The following DNAH17 variants were observed in gnomAD, a reference collection of about 807,000 sequenced individuals.
DNAH17 encodes the protein axonemal beta dynein heavy chain 17.
DNAH17 carries 376 observed loss-of-function variants against 485.6 expected under a neutral mutation model. The ratio of observed to expected loss-of-function variants is 0.77; its 90% CI spans 0.71 to 0.84. The LOEUF is 0.84. DNAH17 is among the 40% of genes least tolerant of loss of function. DNAH17 has a pLI of 0.00. For missense variants in DNAH17, 6,370 were observed against 5,839.3 expected (o/e 1.09, Z -2.96); for synonymous variants, 3,031 against 2,405.9 (o/e 1.26, Z -7.60).
At chr17:78,481,465 C>G (rs2089348030) in intron 48 of DNAH17, among the ~76,000 whole-genome samples, 1 of 152,118 alleles carries the variant, frequency 6.6e-6, no homozygotes, top group Admixed American at 6.6e-5. Context: ...AATTTTGAAA[C>G]AAGAGGCAAA....
chr17:78,487,929 C>A (rs193279214), intron 44 of DNAH17, among the ~76,000 whole-genome samples: 1 of 152,322 alleles, frequency 6.6e-6, no homozygotes, highest in East Asian at 1.9e-4. Flanking sequence ...GCATAGCACC[C>A]TGTATTATCC....
intron 44 of DNAH17, among the ~76,000 whole-genome samples, chr17:78,487,590 T>C (rs1344510168): frequency 6.6e-6 from 1 of 152,196 alleles, no homozygotes; most frequent in Non-Finnish European, 1.5e-5. Flanking sequence ...AGGGGTGCGA[T>C]CTCGGCTCAC....
intron 75 of DNAH17, among the ~76,000 whole-genome samples, chr17:78,431,404 G>T (rs1414081344): frequency 1.3e-5 from 2 of 151,910 alleles, no homozygotes; most frequent in South Asian, 2.1e-4. Flanking sequence ...TCCCGCAGGG[G>T]GTGGGGGTGA....
At chr17:78,488,941 CAG>C (rs1273013795) in intron 44 of DNAH17, among the ~76,000 whole-genome samples, 1 of 152,058 alleles carries the variant, frequency 6.6e-6, no homozygotes, top group Non-Finnish European at 1.5e-5. Flanking sequence ...CGCAGAGCCT[CAG>C]AGGGAACCAG....
chr17:78,517,988 C>G (rs186588148), intron 25 of DNAH17, among the ~76,000 whole-genome samples: 1 of 152,192 alleles, frequency 6.6e-6, no homozygotes, highest in African/African-American at 2.4e-5. Context: ...GACTGTCAAA[C>G]AGCCACTAAG....
At chr17:78,576,813 T>G (rs981747988) in intron 1 of DNAH17, among the ~76,000 whole-genome samples, 4 of 152,204 alleles carry the variant, frequency 2.6e-5, no homozygotes. Context: ...ATGTGTGGGC[T>G]GAGGGGCCCC....
At chr17:78,438,452 G>GGAGGAGGAGGGAGGAGGGAGGAGGGA (rs1555651774) in intron 73 of DNAH17, among the ~76,000 whole-genome samples, 1 of 68,292 alleles carries the variant, frequency 1.5e-5, no homozygotes, top group African/African-American at 7.1e-5. Flanking sequence ...GGAGGGAGGA[G>GGAGGAGGAGGGAGGAGGGAGGAGGGA]GGAGGAGGAG....
chr17:78,540,289 CTG>C (rs1244197973), intron 17 of DNAH17, among the ~76,000 whole-genome samples: 2 of 138,638 alleles, frequency 1.4e-5, no homozygotes. Context: ...CTCTCCACCA[CTG>C]TACCCCCAGC....
Position 78,492,855 on chromosome 17 carries a change from G to GTTTTTTTTTTGT in DNAH17, c.6409-91_6409-90insACAAAAAAAAAA, listed in dbSNP as rs1555673604. ...TCAGGACCATGGGTGGGCCTGGATG[G>GTTTTTTTTTTGT]TTTTTTTTTTTTTGAGATGGAGTTT... On this transcript the variant is annotated intron_variant, in intron 41 of 80. Coordinates refer to ENST00000389840, the MANE Select transcript of DNAH17 (RefSeq NM_173628.4). 7.9e-6 allele frequency: 5 copies of GTTTTTTTTTTGT among 635,778 alleles called. No individual in the cohort carries two copies. The African/African-American group carries it at 1.6e-4, about 20-fold the overall frequency. The allele number at this position is 635,778 out of a possible 1,614,324, so 39.4% of individuals were successfully genotyped here. A position where few individuals can be genotyped will look rare whatever the true frequency, so the allele number is the denominator to read the frequency against.
intron 18 of DNAH17, among the ~76,000 whole-genome samples, chr17:78,539,242 A>T (rs1055181247): frequency 6.6e-6 from 1 of 152,100 alleles, no homozygotes; most frequent in Non-Finnish European, 1.5e-5. Context: ...AAAAATAAAA[A>T]AATAAAATAA....
chr17:78,485,438 G>T, intron 47 of DNAH17, 112 bp downstream of exon 47: 2 of 1,031,342 alleles, frequency 1.9e-6, no homozygotes, highest in Non-Finnish European at 1.4e-6. Flanking sequence ...TGGGAAGTGA[G>T]GAGGTGCAAA....
rs969595049 is a variant in DNAH17, at chr17:78,429,146, T to C, written c.12380A>G (p.Gln4127Arg). Residue 4127 changes from glutamine (Q) to arginine (R), a missense_variant, in exon 76 of 81, where the codon CAG becomes CGG. Transcript: ENST00000389840. The part of the protein sequence containing the change: ...EGDVLLAPGF[Q>R]IPPNLDYKGY... ...CTTGTAGTCCAGGTTGGGGGGGATCTGAAAGCCGGGGGCCAGCAGGACGTC... is the reference window on the plus strand; with the variant it reads ...CTTGTAGTCCAGGTTGGGGGGGATCCGAAAGCCGGGGGCCAGCAGGACGTC... The C allele has an allele frequency of 6.2e-7, 1 of 1,611,962 alleles. No homozygotes were observed. Among genetic ancestry groups the C allele is most frequent in the Non-Finnish European group, 8.5e-7 (1 of 1,179,068 alleles).
At chr17:78,435,783 G>A (rs1045898424) in intron 74 of DNAH17, among the ~76,000 whole-genome samples, 1 of 152,174 alleles carries the variant, frequency 6.6e-6, no homozygotes, top group East Asian at 1.9e-4. Flanking sequence ...GCTGTGAGCT[G>A]CATGGCCCCA....
At chr17:78,534,880 T>G (rs1568211868) in intron 19 of DNAH17, among the ~76,000 whole-genome samples, 2 of 152,134 alleles carry the variant, frequency 1.3e-5, no homozygotes, top group Non-Finnish European at 2.9e-5. Flanking sequence ...TTGGCCACCC[T>G]GGTACCCATG....
intron 69 of DNAH17, among the ~76,000 whole-genome samples, chr17:78,446,124 A>C (rs1207492937): frequency 1.5e-5 from 2 of 136,140 alleles, no homozygotes; most frequent in Middle Eastern, 8.2e-3. Flanking sequence ...CAGTAAGCCG[A>C]GATTACGCCA....
At chr17:78,478,816 T>C (rs2089221819) in intron 51 of DNAH17, 3 of 542,126 alleles carry the variant, frequency 5.5e-6, no homozygotes, top group Non-Finnish European at 9.8e-6. Context: ...CATCATCACA[T>C]CACCATCATC....
intron 17 of DNAH17, among the ~76,000 whole-genome samples, chr17:78,542,144 CTT>C (rs375269334): frequency 0.019 from 2,443 of 130,750 alleles, 63 homozygotes; most frequent in African/African-American, 0.058. Flanking sequence ...CCCTAAAATA[CTT>C]TTTTTTTTTT....
rs1598536194 is a variant in DNAH17 at position 78,479,653 on chromosome 17, A to C, written c.7753-21T>G. The C allele has an allele frequency of 2.5e-6, 4 of 1,610,304 alleles. No homozygotes were observed. In the South Asian group the frequency reaches 4.4e-5, roughly 18 times the overall value. On this transcript the variant is annotated intron_variant, in intron 49 of 80. Transcript: ENST00000389840. ...TGGCGCTACCCCAAAACAACCAAAC[A>C]CTCCAGTCAGCCAGCTCTTGGGGAC...
chr17:78,506,757 A>T lies in DNAH17; in HGVS notation c.4766T>A (p.Leu1589His). The T allele has an allele frequency of 1.2e-6, 2 of 1,613,996 alleles. No individual in the cohort carries two copies. Among genetic ancestry groups the T allele is most frequent in the Non-Finnish European group, 1.7e-6 (2 of 1,179,876 alleles). ...PRFYFVSSAD[L>H]LDILSNGNDP... The stretch of plus-strand genomic sequence containing the variant: ...ATTGCCATTGGAGAGAATGTCCAGG[A>T]GGTCAGCCGAGGAGACAAAATAGAA... Residue 1589 changes from leucine to histidine, a missense_variant, in exon 30 of 81, where the codon CTC becomes CAC. Transcript: ENST00000389840.
Sources: gnomAD v4.1 joint callset for allele counts (sites outside exome capture counted in the v4.1 genomes callset) on GRCh38, gnomAD v4.1.1 for gene constraint, MANE v1.5 for transcripts, NCBI Gene and HGNC (gene_info 2026-07-23, HGNC 2026-07-21) for gene names.